The following TNFAIP2 variants were observed in gnomAD, a reference collection of about 807,000 sequenced individuals.
TNFAIP2 encodes tumor necrosis factor alpha-induced protein 2.
In TNFAIP2, 47 loss-of-function variants were observed where a neutral mutation model predicts 63.5. That is an observed-to-expected ratio of 0.74 (90% CI 0.59 to 0.94). The LOEUF (loss-of-function observed/expected upper bound fraction) is 0.94, where lower values mean the gene tolerates loss of function less well. TNFAIP2 is among the 40% of genes least tolerant of loss of function. The pLI is 0.00. For synonymous variants in TNFAIP2, 405 were observed against 390.2 expected, an observed-to-expected ratio of 1.04 and a Z score of -0.45; for missense variants, 787 against 850.2, an observed-to-expected ratio of 0.93 and a Z score of 0.92.
At position 103,126,480 on chromosome 14, in the gene TNFAIP2, A is replaced by G. The variant is rs2087853941; in HGVS notation, c.23A>G (p.Asp8Gly). 1.3e-6 allele frequency: 2 copies of G among 1,597,202 alleles called. No individual in the cohort carries two copies. The highest frequency in any genetic ancestry group is 2.7e-5 in the African/African-American group (2 of 74,512). Residue 8 changes from aspartate (D) to glycine (G), a missense_variant, in exon 2 of 12, where the codon GAC becomes GGC. By Grantham distance (94) the Asp-to-Gly change is moderately conservative (BLOSUM62 -1). Coordinates refer to ENST00000560869, the MANE Select transcript of TNFAIP2 (RefSeq NM_006291.4). ...TCCATGTCGGAGGCCTCCTCTGAGG[A>G]CCTGGTGCCACCCCTGGAGGCTGGG... MSEASSEDLVPPLEAGAA... is the reference protein window; with the variant it reads MSEASSEGLVPPLEAGAA...
chr14:103,132,298 G>C (rs1426970402), intron 8 of TNFAIP2, among the ~76,000 whole-genome samples: 1 of 152,078 alleles, frequency 6.6e-6, no homozygotes, highest in Non-Finnish European at 1.5e-5. Flanking sequence ...GGTGTAAAGT[G>C]GGGGGTCTCT....
intron 3 of TNFAIP2, among the ~76,000 whole-genome samples, chr14:103,129,441 G>A (rs769045137): frequency 1.3e-5 from 2 of 149,766 alleles, no homozygotes; most frequent in Admixed American, 6.6e-5. Context: ...GATGGGAGCC[G>A]GCCAGGGCGC....
chr14:103,134,374 C>T (rs2088052148), intron 11 of TNFAIP2, among the ~76,000 whole-genome samples: 1 of 152,182 alleles, frequency 6.6e-6, no homozygotes, highest in African/African-American at 2.4e-5. Flanking sequence ...ACCATACAAG[C>T]ACCCATCTGC....
At chr14:103,121,821 C>T (rs1299386020), upstream of TNFAIP2, among the ~76,000 whole-genome samples, 3 of 151,576 alleles carry the variant, frequency 2.0e-5, no homozygotes, top group Non-Finnish European at 4.4e-5. Context: ...GGCCTGACAA[C>T]GCCCTCCTGG....
Position 103,133,776 on chromosome 14 carries a change from C to G in TNFAIP2, c.1796C>G (p.Thr599Ser). The G allele has an allele frequency of 6.3e-7, 1 of 1,593,984 alleles. No homozygotes were observed. The highest frequency in any genetic ancestry group is 8.5e-7 in the Non-Finnish European group (1 of 1,176,456). ...DPSAIKIEVA[T>S]YATCYPDFSK... ...AGTGCCATCAAGATTGAGGTGGCCACTTATGCCACCTGCTACCCTGACTTC... is the reference window on the plus strand; with the variant it reads ...AGTGCCATCAAGATTGAGGTGGCCAGTTATGCCACCTGCTACCCTGACTTC... Residue 599 changes from threonine to serine, a missense_variant, in exon 11 of 12, where the codon ACT becomes AGT. Physicochemically the swap from Thr to Ser is moderately conservative, Grantham distance 58. This residue lies in a region of TNFAIP2 where 523 missense variants were observed against 604.1 expected (regional missense o/e 0.87). Coordinates refer to ENST00000560869, the MANE Select transcript of TNFAIP2 (RefSeq NM_006291.4).
At chr14:103,122,777 A>G (rs1197591592), upstream of TNFAIP2, 1 of 454,558 alleles carries the variant, frequency 2.2e-6, no homozygotes, top group Non-Finnish European at 4.4e-6. Flanking sequence ...AGAGGGGGAA[A>G]GGCTCCAGTG....
Position 103,135,622 on chromosome 14 carries a change from G to T in TNFAIP2, c.*262G>T, listed in dbSNP as rs2088079011. 2 of 1,360,544 alleles carry T rather than the reference G, an allele frequency of 1.5e-6. No individual in the cohort carries two copies. The highest frequency in any genetic ancestry group is 2.9e-5 in the African/African-American group (2 of 68,126). 84.3% of individuals were successfully genotyped at this position (1,360,544 alleles called of 1,614,324 possible). A position where few individuals can be genotyped will look rare whatever the true frequency, so the allele number is the denominator to read the frequency against. On this transcript the variant is annotated 3_prime_UTR_variant, in exon 12 of 12. Coordinates refer to ENST00000560869, the MANE Select transcript of TNFAIP2 (RefSeq NM_006291.4). The surrounding 1 kb of genome is among the most constrained non-coding windows in gnomAD (Gnocchi z 7.6). Reference sequence around the variant, plus strand: ...CACCAAGGACTCTTTGTAAACGATAGCTGATCGTGTGCACGCAAGGAAAGA... The same window carrying T: ...CACCAAGGACTCTTTGTAAACGATATCTGATCGTGTGCACGCAAGGAAAGA...
In TNFAIP2 at chr14:103,135,850, A is replaced by AAG. The variant is rs1014705132; in HGVS notation, c.*492_*493dup. 1 of 1,291,056 alleles carries AAG rather than the reference A, an allele frequency of 7.7e-7. No individual in the cohort carries two copies. The highest frequency in any genetic ancestry group is 1.5e-5 in the African/African-American group (1 of 65,960). 80.0% of individuals were successfully genotyped at this position (1,291,056 alleles called of 1,614,324 possible). On this transcript the variant is annotated 3_prime_UTR_variant, in exon 12 of 12. Coordinates refer to ENST00000560869, the MANE Select transcript of TNFAIP2 (RefSeq NM_006291.4). This position sits in a 1 kb window ranked among gnomAD's most constrained non-coding sequence, Gnocchi z 7.6. Reference sequence around the variant, plus strand: ...GCGGGATTCAGCAATGGTGGAATGGAAGACAGAACTGGAAGAGAAAGAAGG... The same window carrying AAG: ...GCGGGATTCAGCAATGGTGGAATGGAAGAGACAGAACTGGAAGAGAAAGAAGG...
At chr14:103,133,553 A>C in intron 10 of TNFAIP2, 36 bp downstream of exon 10, 1 of 1,606,516 alleles carries the variant, frequency 6.2e-7, no homozygotes, top group Non-Finnish European at 8.5e-7. Flanking sequence ...GCCCCTCTGA[A>C]ATGGCTGCCT....
chr14:103,131,097 G>T lies in TNFAIP2; in HGVS notation c.1245G>T (p.Leu415=). 6.2e-7 allele frequency: 1 copy of T among 1,614,214 alleles called. No homozygotes were observed. The highest frequency in any genetic ancestry group is 1.1e-5 in the South Asian group (1 of 91,090). ...AATTTCTGGAGAGAGGCAAGCAGCTGACGAATTACAGGGCCAATGTTATTG... is the reference window on the plus strand; with the variant it reads ...AATTTCTGGAGAGAGGCAAGCAGCTTACGAATTACAGGGCCAATGTTATTG... ...FNEFLERGKQ[L]TNYRANVIAN... The change falls in exon 7 of 12, where the codon CTG becomes CTT. Residue 415 remains leucine, a synonymous_variant. Coordinates refer to ENST00000560869, the MANE Select transcript of TNFAIP2 (RefSeq NM_006291.4). This position sits in a 1 kb window ranked among gnomAD's most constrained non-coding sequence, Gnocchi z 4.0.
At chr14:103,134,937 T>G (rs1474309255) in intron 11 of TNFAIP2, among the ~76,000 whole-genome samples, 1 of 151,978 alleles carries the variant, frequency 6.6e-6, no homozygotes, top group Non-Finnish European at 1.5e-5. Context: ...CTTTTGGGGG[T>G]GGACATCTTA....
rs1361905177 is a variant in TNFAIP2 at position 103,135,237 on chromosome 14, T to C, written c.1842T>C (p.Ala614=). 1.9e-6 allele frequency: 3 copies of C among 1,613,806 alleles called. No homozygotes were observed. The highest frequency in any genetic ancestry group is 2.7e-5 in the African/African-American group (2 of 74,926). Residue 614 remains alanine (A), a synonymous_variant, in exon 12 of 12, where the codon GCT becomes GCC. Coordinates refer to ENST00000560869, the MANE Select transcript of TNFAIP2 (RefSeq NM_006291.4). The surrounding 1 kb of genome is among the most constrained non-coding windows in gnomAD (Gnocchi z 7.6). ...YPDFSKGHLS[A]ILAIKGNLSN... ...TTGCCAGCAAAGGCCACCTGAGCGC[T>C]ATCCTGGCCATCAAGGGGAACCTAT...
At chr14:103,126,977 CG>C in intron 2 of TNFAIP2, 27 bp from the exon 3 acceptor site, 1 of 1,241,398 alleles carries the variant, frequency 8.1e-7, no homozygotes, top group South Asian at 2.4e-5. Context: ...GGGCTGGGGC[CG>C]GGGCTGACGC....
chr14:103,131,790 C>A lies in TNFAIP2; in HGVS notation c.1422+28C>A. ...AGCGGGAGCCTCTTGCCCTCAGGAGCCCAGTGTTGGGGGGTTCCCAGGGAG... is the reference window on the plus strand; with the variant it reads ...AGCGGGAGCCTCTTGCCCTCAGGAGACCAGTGTTGGGGGGTTCCCAGGGAG... On this transcript the variant is annotated intron_variant, in intron 8 of 11. Coordinates refer to ENST00000560869, the MANE Select transcript of TNFAIP2 (RefSeq NM_006291.4). This position sits in a 1 kb window ranked among gnomAD's most constrained non-coding sequence, Gnocchi z 4.0. 6.2e-7 allele frequency: 1 copy of A among 1,602,866 alleles called. No homozygotes were observed. Among genetic ancestry groups the A allele is most frequent in the Non-Finnish European group, 8.5e-7 (1 of 1,174,510 alleles).
Position 103,135,969 on chromosome 14 carries a change from G to A in TNFAIP2, c.*609G>A, listed in dbSNP as rs1164521202. ...AGACGTCACATCCAGGTGGCCCCAC[G>A]GCCCCTACAGGCTGGCCCTGCAATG... On this transcript the variant is annotated 3_prime_UTR_variant, in exon 12 of 12. Coordinates refer to ENST00000560869, the MANE Select transcript of TNFAIP2 (RefSeq NM_006291.4). This position sits in a 1 kb window ranked among gnomAD's most constrained non-coding sequence, Gnocchi z 7.6. The A allele has an allele frequency of 6.2e-6, 8 of 1,289,332 alleles. No homozygotes were observed. The highest frequency in any genetic ancestry group is 1.5e-5 in the African/African-American group (1 of 65,892). The allele number at this position is 1,289,332 out of a possible 1,614,324, so 79.9% of individuals were successfully genotyped here. A position where few individuals can be genotyped will look rare whatever the true frequency, so the allele number is the denominator to read the frequency against.
chr14:103,126,620 G>C lies in TNFAIP2; in HGVS notation c.163G>C (p.Gly55Arg). 1 of 1,554,170 alleles carries C rather than the reference G, an allele frequency of 6.4e-7. No homozygotes were observed. Residue 55 changes from glycine to arginine, a missense_variant, in exon 2 of 12, where the codon GGT (glycine) becomes CGT (arginine). Coordinates refer to ENST00000560869, the MANE Select transcript of TNFAIP2 (RefSeq NM_006291.4). ...CTTCACCAAAGGGAAGAAGAAGAAG[G>C]GTCAGCCCAGCTCAGCGGAGCCCGA... ...CVFTKGKKKK[G>R]QPSSAEPEDA...
intron 4 of TNFAIP2, 21 bp downstream of exon 4, chr14:103,129,875 G>GGGAGGGGCAGGGAGGCAGCAGA: frequency 6.2e-7 from 1 of 1,610,138 alleles, no homozygotes; most frequent in Non-Finnish European, 8.5e-7. Context: ...ACCTGGGCCA[G>GGGAGGGGCAGGGAGGCAGCAGA]GGAGGGGCAG....
At chr14:103,132,460 T>C (rs541264647) in intron 8 of TNFAIP2, among the ~76,000 whole-genome samples, 2 of 152,156 alleles carry the variant, frequency 1.3e-5, no homozygotes, top group African/African-American at 4.8e-5. Flanking sequence ...TGAAGGAATT[T>C]ATTTATTTAA....
intron 6 of TNFAIP2, among the ~76,000 whole-genome samples, chr14:103,130,683 C>T (rs1274250772): frequency 6.6e-6 from 1 of 152,192 alleles, no homozygotes. Flanking sequence ...AGAGGATACC[C>T]CAGGAGGGAC....
Sources: allele counts gnomAD v4.1 joint callset (sites outside exome capture counted in the v4.1 genomes callset), GRCh38; gene constraint gnomAD v4.1.1; regional missense constraint gnomAD v4.1.1; non-coding constraint Gnocchi (gnomAD v3.1); transcripts MANE v1.5; gene names NCBI Gene and HGNC (gene_info 2026-07-23, HGNC 2026-07-21).